The following SLC35F1 variants were observed in gnomAD, a reference collection of about 807,000 sequenced individuals.
The protein encoded by SLC35F1 is chromosome 6 open reading frame 169.
In SLC35F1, 14 loss-of-function variants were observed where a neutral mutation model predicts 48.7. The observed-to-expected ratio is 0.29, with a 90% confidence interval of 0.19 to 0.45. The LOEUF (loss-of-function observed/expected upper bound fraction) is 0.45. SLC35F1 is among the 20% of genes least tolerant of loss of function. The pLI is 1.00. For missense variants in SLC35F1, 404 were observed against 500.0 expected (o/e 0.81, Z 1.83); for synonymous variants, 190 against 202.2 (o/e 0.94, Z 0.51).
At chr6:117,946,034 A>G (rs1410526449) in intron 1 of SLC35F1, among the ~76,000 whole-genome samples, 1 of 151,902 alleles carries the variant, frequency 6.6e-6, no homozygotes, top group Non-Finnish European at 1.5e-5. Context: ...AAGAACAGAA[A>G]CTCTCTTTCT....
At chr6:118,071,063 C>CGT (rs1562280960) in intron 1 of SLC35F1, among the ~76,000 whole-genome samples, 1 of 560 alleles carries the variant, frequency 1.8e-3, no homozygotes, top group Non-Finnish European at 3.1e-3. Flanking sequence ...ATATATTCTA[C>CGT]GTATATATAC....
intron 1 of SLC35F1, among the ~76,000 whole-genome samples, chr6:118,007,100 G>C (rs1777183977): frequency 6.6e-6 from 1 of 151,414 alleles, no homozygotes; most frequent in African/African-American, 2.4e-5. Context: ...TGGGTAGTTT[G>C]TAAAGAAAAG....
intron 1 of SLC35F1, among the ~76,000 whole-genome samples, chr6:118,001,555 C>T (rs992689799): frequency 6.6e-6 from 1 of 152,052 alleles, no homozygotes; most frequent in African/African-American, 2.4e-5. Flanking sequence ...GACTTCATGT[C>T]TAAAACACCA....
At chr6:118,135,746 A>G (rs187142662) in intron 1 of SLC35F1, among the ~76,000 whole-genome samples, 3 of 152,342 alleles carry the variant, frequency 2.0e-5, no homozygotes, top group Admixed American at 2.0e-4. Flanking sequence ...GACACTCGCT[A>G]CAATTAAATA....
In SLC35F1 at chr6:118,198,560, G is replaced by A. The variant is rs543351023; in HGVS notation, c.350-36949G>A. ...TTTTAAAAAATAAAATAACCGCTTC[G>A]TATTGTAAGCATAATTTATTTTAGA... is the stretch of plus-strand genomic sequence containing the variant. On this transcript the variant is annotated intron_variant, in intron 2 of 7. Transcript: ENST00000360388. Among the ~76,000 whole-genome samples, 391 of 152,210 alleles carry A rather than the reference G, an allele frequency of 2.6e-3. 3 individuals carry two copies. Among genetic ancestry groups the A allele is most frequent in the African/African-American group, 8.9e-3 (368 of 41,520 alleles).
intron 1 of SLC35F1, among the ~76,000 whole-genome samples, chr6:118,142,484 T>G (rs764787369): frequency 7.8e-4 from 119 of 152,266 alleles, no homozygotes; most frequent in Non-Finnish European, 1.4e-3. Context: ...ATTTCCCACT[T>G]TATGACATCC....
Position 117,923,621 on chromosome 6 carries a change from A to ACATATACACATATACATATG in SLC35F1, c.173+15722_173+15723insCATATACACATATACATATG, listed in dbSNP as rs1205547306. Among the ~76,000 whole-genome samples, 55 of 24,210 alleles carry ACATATACACATATACATATG rather than the reference A, an allele frequency of 2.3e-3. 17 individuals carry two copies. Among genetic ancestry groups the ACATATACACATATACATATG allele is most frequent in the Middle Eastern group, 0.045 (1 of 22 alleles). 15.9% of individuals were successfully genotyped at this position (24,210 alleles called of 152,430 possible). ...TGTGTATATATACATATACATATGT[A>ACATATACACATATACATATG]TATATACATATATGTACATATGTAC... is the stretch of plus-strand genomic sequence containing the variant. On this transcript the variant is annotated intron_variant, in intron 1 of 7. Coordinates refer to ENST00000360388, the MANE Select transcript of SLC35F1 (RefSeq NM_001029858.4).
At chr6:118,244,693 A>T (rs773820356) in intron 3 of SLC35F1, among the ~76,000 whole-genome samples, 1 of 152,164 alleles carries the variant, frequency 6.6e-6, no homozygotes, top group Non-Finnish European at 1.5e-5. Flanking sequence ...ACTCTATATG[A>T]TAATTGTTTA....
intron 1 of SLC35F1, among the ~76,000 whole-genome samples, chr6:118,121,345 T>G (rs1773550734): frequency 6.6e-6 from 1 of 152,176 alleles, no homozygotes; most frequent in Non-Finnish European, 1.5e-5. Flanking sequence ...AGACACCACC[T>G]TAAGGGCTTT....
At chr6:118,009,265 A>C (rs1312424312) in intron 1 of SLC35F1, among the ~76,000 whole-genome samples, 3 of 152,166 alleles carry the variant, frequency 2.0e-5, no homozygotes, top group Non-Finnish European at 4.4e-5. Flanking sequence ...CAGATTAAGG[A>C]GATCCTAAAG....
rs1323627927 is a variant in SLC35F1, at chr6:118,128,432, C to A, written c.174-26013C>A. ...AACCCAAATGTCCAACAATGATAGA[C>A]TGGATTAAGAAAATGTGACACATAT... On this transcript the variant is annotated intron_variant, in intron 1 of 7. Coordinates refer to ENST00000360388, the MANE Select transcript of SLC35F1 (RefSeq NM_001029858.4). Among the ~76,000 whole-genome samples, 7 of 150,476 alleles carry A rather than the reference C, an allele frequency of 4.7e-5. No homozygotes were observed. In the South Asian group the frequency reaches 1.5e-3, roughly 32 times the overall value.
chr6:117,958,622 C>T (rs1776456694), intron 1 of SLC35F1, among the ~76,000 whole-genome samples: 1 of 152,162 alleles, frequency 6.6e-6, no homozygotes, highest in Non-Finnish European at 1.5e-5. Context: ...AGTAAAGTAA[C>T]ATGCTGTACA....
At chr6:118,152,179 G>C (rs1163178012) in intron 1 of SLC35F1, among the ~76,000 whole-genome samples, 1 of 152,124 alleles carries the variant, frequency 6.6e-6, no homozygotes, top group South Asian at 2.1e-4. Flanking sequence ...AATCAGACTG[G>C]CAAAGGCGCA....
Position 118,135,533 on chromosome 6 carries a change from G to A in SLC35F1, c.174-18912G>A, listed in dbSNP as rs146469634. On this transcript the variant is annotated intron_variant, in intron 1 of 7. Transcript: ENST00000360388. ...AGCCATCTGTGCTGACTGTTGTATGGGACCCTGCCCAGCCCTTCATTTGGC... is the reference window on the plus strand; with the variant it reads ...AGCCATCTGTGCTGACTGTTGTATGAGACCCTGCCCAGCCCTTCATTTGGC... Among the ~76,000 whole-genome samples the A allele has an allele frequency of 3.3e-5, 5 of 152,254 alleles. No homozygotes were observed. In the East Asian group the frequency reaches 9.7e-4, roughly 29 times the overall value.
chr6:118,071,437 C>T (rs549590142), intron 1 of SLC35F1, among the ~76,000 whole-genome samples: 1 of 151,904 alleles, frequency 6.6e-6, no homozygotes, highest in Non-Finnish European at 1.5e-5. Flanking sequence ...TTCCTGTTCT[C>T]CATCCCTCCA....
chr6:118,305,782 A>G (rs1289105648), intron 7 of SLC35F1, among the ~76,000 whole-genome samples: 1 of 152,226 alleles, frequency 6.6e-6, no homozygotes, highest in African/African-American at 2.4e-5. Flanking sequence ...TGTTCATAAC[A>G]AGGAAGAACT....
At chr6:118,272,750 CATATATATAT>C (rs71554898) in intron 4 of SLC35F1, among the ~76,000 whole-genome samples, 1 of 122,580 alleles carries the variant, frequency 8.2e-6, no homozygotes, top group Non-Finnish European at 1.8e-5. Context: ...TATATATATA[CATATATATAT>C]ATATGTATAT....
chr6:118,314,244 G>A lies in SLC35F1; in HGVS notation c.1219G>A (p.Val407Met), dbSNP rs1160077552. The A allele has an allele frequency of 1.9e-6, 3 of 1,614,160 alleles. No individual in the cohort carries two copies. Among genetic ancestry groups the A allele is most frequent in the Admixed American group, 3.3e-5 (2 of 60,024 alleles). The change falls in exon 8 of 8, where the codon GTG becomes ATG. Residue 407 changes from valine to methionine, a missense_variant. Physicochemically the swap from Val to Met is conservative, Grantham distance 21. This residue lies in a region of SLC35F1 where 306 missense variants were observed against 419.1 expected (regional missense o/e 0.73). Transcript: ENST00000360388. ...QETEEEPHVRVA is the reference protein window; with the variant it reads ...QETEEEPHVRMA ...GACCGAAGAGGAGCCTCATGTTCGT[G>A]TGGCCTAGGGTGAGGCCCGCCCTGC...
chr6:118,147,509 C>G (rs1156466786), intron 1 of SLC35F1, among the ~76,000 whole-genome samples: 1 of 152,044 alleles, frequency 6.6e-6, no homozygotes, highest in Non-Finnish European at 1.5e-5. Flanking sequence ...TGAAAGGGAG[C>G]ATAAGAAGTG....
Sources: allele counts gnomAD v4.1 joint callset (sites outside exome capture counted in the v4.1 genomes callset), GRCh38; gene constraint gnomAD v4.1.1; regional missense constraint gnomAD v4.1.1; transcripts MANE v1.5; gene names NCBI Gene and HGNC (gene_info 2026-07-23, HGNC 2026-07-21).